The following HPGDS variants were observed in gnomAD, a reference collection of about 807,000 sequenced individuals.
HPGDS encodes the protein hematopoietic prostaglandin D synthase, also known as GST class-sigma.
HPGDS carries 26 observed loss-of-function variants against 23.1 expected under a neutral mutation model. The observed-to-expected ratio is 1.13, with a 90% CI of 0.83 to 1.56. The LOEUF is 1.56. Among genes scored for constraint, HPGDS ranks in the 40% most tolerant of loss-of-function variants. The pLI is 0.00. For synonymous variants in HPGDS, 95 were observed against 77.9 expected (o/e 1.22, Z -1.16); for missense variants, 268 against 236.4 (o/e 1.13, Z -0.88).
At chr4:94,319,651 GA>G (rs1241244349) in intron 2 of HPGDS, among the ~76,000 whole-genome samples, 1 of 152,098 alleles carries the variant, frequency 6.6e-6, no homozygotes, top group Non-Finnish European at 1.5e-5. Context: ...CATGATGGTA[GA>G]TATCATCCTT....
intron 2 of HPGDS, among the ~76,000 whole-genome samples, chr4:94,330,195 A>T (rs770057769): frequency 3.3e-5 from 5 of 152,232 alleles, no homozygotes; most frequent in Non-Finnish European, 7.3e-5. Flanking sequence ...TGATTGTAAA[A>T]TTGTAAATCA....
rs1298614462 is a variant in HPGDS at position 94,341,131 on chromosome 4, C to T, written c.-10+1664G>A. 2.6e-5 allele frequency among the ~76,000 whole-genome samples: 4 copies of T among 152,160 alleles called. No homozygotes were observed. In the South Asian group the frequency reaches 6.2e-4, roughly 24 times the overall value. ...GGATTACAGGCTGAGCCACCTCGCC[C>T]GGCCAAACTTTTTTTTCTTTATAAA... On this transcript the variant is annotated intron_variant, in intron 1 of 5. Coordinates refer to ENST00000295256, the MANE Select transcript of HPGDS (RefSeq NM_014485.3).
Position 94,317,871 on chromosome 4 carries a change from A to T in HPGDS, c.226+2T>A. On this transcript the variant is annotated splice_donor_variant, in intron 3 of 5. Coordinates refer to ENST00000295256, the MANE Select transcript of HPGDS (RefSeq NM_014485.3). LOFTEE classifies it high-confidence loss of function. ...AAATCTTAAGCACAATAAACATGTT[A>T]CCTGTGTTTTTGGTCAAATATCTTG... is the stretch of plus-strand genomic sequence containing the variant. 6.4e-7 allele frequency: 1 copy of T among 1,561,302 alleles called. No individual in the cohort carries two copies. Among genetic ancestry groups the T allele is most frequent in the South Asian group, 1.1e-5 (1 of 89,216 alleles).
rs144594629 is a variant in HPGDS, at chr4:94,334,553, T to A, written c.77A>T (p.Asp26Val). ...TATTCTGTGGTCTTCATACTGTATG[T>A]CCAAATAAGCAAATATGTAACGAAT... Reference protein sequence around the residue: ...EIIRYIFAYLDIQYEDHRIEQ... With the variant: ...EIIRYIFAYLVIQYEDHRIEQ... Residue 26 changes from aspartate to valine, a missense_variant, in exon 2 of 6, where the codon GAC becomes GTC. By Grantham distance (152) the Asp-to-Val change is radical. Transcript: ENST00000295256. The A allele has an allele frequency of 5.6e-6, 9 of 1,613,184 alleles. No individual in the cohort carries two copies. Among genetic ancestry groups the A allele is most frequent in the Non-Finnish European group, 7.6e-6 (9 of 1,179,484 alleles).
intron 3 of HPGDS, among the ~76,000 whole-genome samples, chr4:94,315,169 CCAG>C (rs1756370724): frequency 1.5e-5 from 1 of 64,968 alleles, no homozygotes; most frequent in Non-Finnish European, 3.6e-5. Context: ...CTGACAATCC[CCAG>C]TGAGACAATC....
intron 3 of HPGDS, among the ~76,000 whole-genome samples, chr4:94,315,560 A>T (rs1040227536): frequency 3.9e-5 from 6 of 152,076 alleles, no homozygotes; most frequent in African/African-American, 1.4e-4. Context: ...AGTTTTCTCA[A>T]TGGTGCCAAT....
chr4:94,300,995 A>C (rs1756030021), intron 5 of HPGDS, among the ~76,000 whole-genome samples: 1 of 152,196 alleles, frequency 6.6e-6, no homozygotes, highest in Non-Finnish European at 1.5e-5. Flanking sequence ...TTTACAAAGG[A>C]ATCTTAATAG....
intron 1 of HPGDS, among the ~76,000 whole-genome samples, chr4:94,342,401 G>A (rs1448403563): frequency 6.6e-6 from 1 of 152,012 alleles, no homozygotes; most frequent in East Asian, 1.9e-4. Flanking sequence ...TTAAAGCAAA[G>A]GAAAGAAATT....
intron 1 of HPGDS, among the ~76,000 whole-genome samples, chr4:94,337,596 A>G (rs1281339016): frequency 6.6e-6 from 1 of 151,734 alleles, no homozygotes; most frequent in African/African-American, 2.4e-5. Flanking sequence ...AATCACTGAA[A>G]CCCAGGAGGC....
chr4:94,329,664 G>A (rs1484381636), intron 2 of HPGDS, among the ~76,000 whole-genome samples: 4 of 152,230 alleles, frequency 2.6e-5, no homozygotes, highest in African/African-American at 9.6e-5. Context: ...ATTGACAACA[G>A]AATGTGTTTT....
At chr4:94,339,699 C>T (rs1721096148) in intron 1 of HPGDS, among the ~76,000 whole-genome samples, 1 of 151,770 alleles carries the variant, frequency 6.6e-6, no homozygotes, top group South Asian at 2.1e-4. Context: ...TTTCTTGTAG[C>T]TTTTTTTTAC....
At chr4:94,305,063 CAATT>C (rs1031748753) in intron 4 of HPGDS, among the ~76,000 whole-genome samples, 1 of 152,014 alleles carries the variant, frequency 6.6e-6, no homozygotes, top group Non-Finnish European at 1.5e-5. Context: ...ATAGTAAAAA[CAATT>C]AACACCAAAG....
intron 1 of HPGDS, among the ~76,000 whole-genome samples, chr4:94,341,815 A>G (rs1721179844): frequency 6.6e-6 from 1 of 152,178 alleles, no homozygotes; most frequent in Non-Finnish European, 1.5e-5. Flanking sequence ...TTACACTCCT[A>G]TTATATAGAC....
chr4:94,340,190 T>G (rs1721109430), intron 1 of HPGDS, among the ~76,000 whole-genome samples: 1 of 151,726 alleles, frequency 6.6e-6, no homozygotes, highest in South Asian at 2.1e-4. Context: ...TCATCTGACC[T>G]TGTGATCCGC....
intron 3 of HPGDS, among the ~76,000 whole-genome samples, 192 bp from the exon 4 acceptor site, chr4:94,308,935 T>C (rs982290539): frequency 6.6e-6 from 1 of 151,904 alleles, no homozygotes; most frequent in Non-Finnish European, 1.5e-5. Flanking sequence ...ATTAGTATTC[T>C]ACATTATTTC....
At chr4:94,302,671 C>G (rs1357264874) in intron 4 of HPGDS, among the ~76,000 whole-genome samples, 1 of 152,002 alleles carries the variant, frequency 6.6e-6, no homozygotes, top group Non-Finnish European at 1.5e-5. Flanking sequence ...CTAGACTCTT[C>G]TAGTTTGGCA....
rs202053772 is a variant in HPGDS, at chr4:94,334,517, T to A, written c.113A>T (p.Asp38Val). ...QYEDHRIEQADWPEIKSTLPF... is the reference protein window; with the variant it reads ...QYEDHRIEQAVWPEIKSTLPF... ...CTTACTTGATTTGATTTCAGGCCAGTCAGCTTGTTCTATTCTGTGGTCTTC... is the reference window on the plus strand; with the variant it reads ...CTTACTTGATTTGATTTCAGGCCAGACAGCTTGTTCTATTCTGTGGTCTTC... The change falls in exon 2 of 6, where the codon GAC (aspartate) becomes GTC (valine). Residue 38 changes from aspartate (D) to valine (V), a missense_variant. Transcript: ENST00000295256. 131 of 1,595,672 alleles carry A rather than the reference T, an allele frequency of 8.2e-5. No homozygotes were observed. Among genetic ancestry groups the A allele is most frequent in the Non-Finnish European group, 9.6e-5 (113 of 1,173,030 alleles).
At chr4:94,340,401 T>G (rs1469583746) in intron 1 of HPGDS, among the ~76,000 whole-genome samples, 2 of 129,310 alleles carry the variant, frequency 1.5e-5, no homozygotes, top group Non-Finnish European at 3.2e-5. Context: ...TGCAGTGGCG[T>G]GATCTCCACT....
intron 4 of HPGDS, among the ~76,000 whole-genome samples, chr4:94,306,827 G>A (rs1756148564): frequency 1.3e-5 from 2 of 151,896 alleles, no homozygotes; most frequent in African/African-American, 2.4e-5. Context: ...CTGAATTACT[G>A]GAATTCTACT....
Sources: gnomAD v4.1 joint callset for allele counts (sites outside exome capture counted in the v4.1 genomes callset) on GRCh38, gnomAD v4.1.1 for gene constraint, MANE v1.5 for transcripts, NCBI Gene and HGNC (gene_info 2026-07-23, HGNC 2026-07-21) for gene names.